The following KIF13A variants were observed in gnomAD, a reference collection of about 807,000 sequenced individuals.
KIF13A encodes kinesin family member 13A, also known as kinesin-like protein KIF13A.
A neutral mutation model predicts 212.2 loss-of-function variants in KIF13A; 79 were observed. The observed-to-expected ratio is 0.37, with a 90% CI of 0.31 to 0.45. The LOEUF is 0.45. KIF13A is among the 20% of genes least tolerant of loss of function. The probability of loss-of-function intolerance (pLI) is 1.00; values close to 1 mark genes in which losing one functional copy is unlikely to be tolerated. For missense variants in KIF13A, 1,901 were observed against 2,209.0 expected (o/e 0.86, Z 2.79); for synonymous variants, 789 against 808.6 (o/e 0.98, Z 0.41).
chr6:17,837,754 C>A lies in KIF13A; in HGVS notation c.831-171G>T, dbSNP rs1766102027. Among the ~76,000 whole-genome samples the A allele has an allele frequency of 6.6e-6, 1 of 151,968 alleles. No individual in the cohort carries two copies. The highest frequency in any genetic ancestry group is 2.1e-4 in the South Asian group (1 of 4,806). ...ATCACTTGAGGCCAGGGGTTTGAGA[C>A]CACCCTGGCCAACATGGTGAAACTC... On this transcript the variant is annotated intron_variant, in intron 9 of 38. Coordinates refer to ENST00000259711, the MANE Select transcript of KIF13A (RefSeq NM_022113.6). This position sits in a 1 kb window ranked among gnomAD's most constrained non-coding sequence, Gnocchi z 5.4.
chr6:17,944,685 A>C (rs1777235996), intron 2 of KIF13A, among the ~76,000 whole-genome samples: 1 of 152,198 alleles, frequency 6.6e-6, no homozygotes, highest in East Asian at 1.9e-4. Flanking sequence ...GCTCAATTTC[A>C]CTTCCAAAAT....
chr6:17,957,570 T>C (rs1778444306), intron 2 of KIF13A, among the ~76,000 whole-genome samples: 1 of 152,132 alleles, frequency 6.6e-6, no homozygotes, highest in Admixed American at 6.5e-5. Flanking sequence ...AGGTCAGAAG[T>C]TCCAGAAGCC....
At position 17,871,595 on chromosome 6, in the gene KIF13A, TGA is replaced by T. The variant is rs1770018049; in HGVS notation, c.220+1780_220+1781del. On this transcript the variant is annotated intron_variant, in intron 4 of 38. Coordinates refer to ENST00000259711, the MANE Select transcript of KIF13A (RefSeq NM_022113.6). The surrounding 1 kb of genome is among the most constrained non-coding windows in gnomAD (Gnocchi z 4.4). ...AGACTTTCTGGCTTCCTGAGTTATA[TGA>T]GAGGAACCAACAACAGACACTGGGC... Among the ~76,000 whole-genome samples the T allele has an allele frequency of 6.6e-6, 1 of 152,084 alleles. No homozygotes were observed. Among genetic ancestry groups the T allele is most frequent in the Non-Finnish European group, 1.5e-5 (1 of 68,016 alleles).
rs1772885948 is a variant in KIF13A at position 17,899,637 on chromosome 6, A to G, written c.147-1457T>C. On this transcript the variant is annotated intron_variant, in intron 2 of 38. Transcript: ENST00000259711. This position sits in a 1 kb window ranked among gnomAD's most constrained non-coding sequence, Gnocchi z 5.2. ...CCATTTTCTTGAAATTCCACGAATT[A>G]GTTGAAAGGGAATGAGCCCTTATTG... 6.6e-6 allele frequency among the ~76,000 whole-genome samples: 1 copy of G among 152,240 alleles called. No homozygotes were observed. The highest frequency in any genetic ancestry group is 2.1e-4 in the South Asian group (1 of 4,832).
intron 3 of KIF13A, among the ~76,000 whole-genome samples, chr6:17,873,900 T>C (rs1403027485): frequency 6.6e-6 from 1 of 152,194 alleles, no homozygotes; most frequent in East Asian, 1.9e-4. Context: ...CCCTATGATA[T>C]TTCTTTTAGA....
intron 2 of KIF13A, among the ~76,000 whole-genome samples, chr6:17,939,192 C>T (rs183323475): frequency 4.6e-5 from 7 of 152,272 alleles, no homozygotes; most frequent in Admixed American, 1.3e-4. Context: ...ATTAACAACA[C>T]TAAAACAACA....
chr6:17,971,333 T>G lies in KIF13A; in HGVS notation c.146+15721A>C, dbSNP rs1779785586. The stretch of plus-strand genomic sequence containing the variant: ...TCACAAAATTAAATGTATCCAAGTT[T>G]TAAATTCTGAGATTATGTCCTTTCT... On this transcript the variant is annotated intron_variant, in intron 2 of 38. Transcript: ENST00000259711. The surrounding 1 kb of genome is among the most constrained non-coding windows in gnomAD (Gnocchi z 4.2). Among the ~76,000 whole-genome samples, 1 of 152,352 alleles carries G rather than the reference T, an allele frequency of 6.6e-6. No individual in the cohort carries two copies. Among genetic ancestry groups the G allele is most frequent in the Non-Finnish European group, 1.5e-5 (1 of 68,034 alleles).
intron 23 of KIF13A, among the ~76,000 whole-genome samples, chr6:17,795,353 C>T (rs186987374): frequency 8.0e-5 from 12 of 149,492 alleles, no homozygotes; most frequent in South Asian, 2.1e-4. Flanking sequence ...AAGGCCAAGG[C>T]GGGTGGATCA....
intron 2 of KIF13A, among the ~76,000 whole-genome samples, chr6:17,944,307 C>G (rs1005585580): frequency 4.6e-5 from 7 of 152,202 alleles, no homozygotes; most frequent in Non-Finnish European, 8.8e-5. Context: ...TAGATGAAAA[C>G]TCAGGACAGT....
At chr6:17,803,140 T>G (rs1234168985) in intron 20 of KIF13A, among the ~76,000 whole-genome samples, 2 of 152,078 alleles carry the variant, frequency 1.3e-5, no homozygotes, top group African/African-American at 4.8e-5. Context: ...TTCACCATAT[T>G]GGCCAGGCTG....
intron 29 of KIF13A, among the ~76,000 whole-genome samples, chr6:17,782,040 G>A (rs1447318675): frequency 1.3e-5 from 2 of 151,996 alleles, no homozygotes; most frequent in African/African-American, 4.8e-5. Flanking sequence ...AAGTTCAAGC[G>A]GTTTTCCTGC....
At chr6:17,770,979 A>G in intron 38 of KIF13A, 135 bp downstream of exon 38, 1 of 613,322 alleles carries the variant, frequency 1.6e-6, no homozygotes, top group Non-Finnish European at 2.8e-6. Flanking sequence ...ATCATTACCA[A>G]TGGTCACATT....
rs1029031893 is a variant in KIF13A, at chr6:17,777,995, GGGCATGGTGGTGGGTGCC to G, written c.4093-659_4093-642del. Among the ~76,000 whole-genome samples the G allele has an allele frequency of 1.1e-4, 17 of 152,060 alleles. No homozygotes were observed. The highest frequency in any genetic ancestry group is 2.1e-4 in the Non-Finnish European group (14 of 68,020). On this transcript the variant is annotated intron_variant, in intron 33 of 38. Transcript: ENST00000259711. The surrounding 1 kb of genome is among the most constrained non-coding windows in gnomAD (Gnocchi z 4.4). ...CTACTAAAAAATACAAAAATTAGCT[GGGCATGGTGGTGGGTGCC>G]TGTGGTTCCAGCTATCTGGGAGGCT...
At position 17,951,436 on chromosome 6, in the gene KIF13A, T is replaced by TA. The variant is rs1301759382; in HGVS notation, c.146+35617_146+35618insT. The TA allele has an allele frequency of 5.6e-5, 30 of 537,668 alleles. No individual in the cohort carries two copies. The highest frequency in any genetic ancestry group is 2.7e-4 in the African/African-American group (12 of 44,216). The allele number at this position is 537,668 out of a possible 1,614,324, so 33.3% of individuals were successfully genotyped here. A position where few individuals can be genotyped will look rare whatever the true frequency, so the allele number is the denominator to read the frequency against. ...GTGAGCCACTGTGACCAGCCTCAAT[T>TA]TAAAAAAAAAAAAAAAACAGCTTTA... On this transcript the variant is annotated intron_variant, in intron 2 of 38. Transcript: ENST00000259711. The surrounding 1 kb of genome is among the most constrained non-coding windows in gnomAD (Gnocchi z 4.9).
At chr6:17,830,719 T>C (rs1765373635) in intron 13 of KIF13A, among the ~76,000 whole-genome samples, 3 of 152,110 alleles carry the variant, frequency 2.0e-5, no homozygotes. Context: ...GAGATCTCCT[T>C]GGAATTACTC....
chr6:17,965,792 CA>C (rs1779250693), intron 2 of KIF13A, among the ~76,000 whole-genome samples: 1 of 152,100 alleles, frequency 6.6e-6, no homozygotes, highest in Admixed American at 6.6e-5. Context: ...AAGGAATAAC[CA>C]CAAACTCATC....
chr6:17,818,744 G>C (rs566834883), intron 16 of KIF13A, among the ~76,000 whole-genome samples: 20 of 152,182 alleles, frequency 1.3e-4, no homozygotes, highest in Non-Finnish European at 2.6e-4. Context: ...ACAACACGTA[G>C]CTACAAAGTG....
At chr6:17,824,760 C>CAAAAAA (rs1234476186) in intron 16 of KIF13A, among the ~76,000 whole-genome samples, 4 of 48,796 alleles carry the variant, frequency 8.2e-5, no homozygotes, top group Admixed American at 2.5e-4. Flanking sequence ...GACTCCGTCT[C>CAAAAAA]AAAAAAAAAA....
rs1381985985 is a variant in KIF13A at position 17,833,969 on chromosome 6, T to A, written c.1258A>T (p.Ile420Leu). The change falls in exon 12 of 39, where the codon ATA (isoleucine) becomes TTA (leucine). Residue 420 changes from isoleucine (I) to leucine (L), a missense_variant. By Grantham distance (5) the Ile-to-Leu change is conservative. Transcript: ENST00000259711. ...WEEKLRKTEE[I>L]AQERQRQLES... ...CTAAATTATCAAGCTACCTGTGCTA[T>A]CTCTTCTGTTTTTCTCAGCTTCTCT... The A allele has an allele frequency of 1.3e-6, 2 of 1,555,376 alleles. No individual in the cohort carries two copies. Among genetic ancestry groups the A allele is most frequent in the Admixed American group, 2.0e-5 (1 of 50,404 alleles).
Sources: gnomAD v4.1 joint callset for allele counts (sites outside exome capture counted in the v4.1 genomes callset) on GRCh38, gnomAD v4.1.1 for gene constraint, Gnocchi (gnomAD v3.1) non-coding constraint, MANE v1.5 for transcripts, NCBI Gene and HGNC (gene_info 2026-07-23, HGNC 2026-07-21) for gene names.